Variants in PDE6A observed in about 807,000 individuals in gnomAD.
PDE6A encodes rod cGMP-specific 3',5'-cyclic phosphodiesterase subunit alpha.
In PDE6A, 84 loss-of-function variants were observed where a neutral mutation model predicts 106.3. That is an observed-to-expected ratio of 0.79 (90% CI 0.66 to 0.95). PDE6A has a LOEUF of 0.95. Among genes scored for constraint, PDE6A ranks in the 40% least tolerant of loss-of-function variants. The probability of loss-of-function intolerance (pLI) is 0.00; values close to 1 mark genes in which losing one functional copy is unlikely to be tolerated. For synonymous variants in PDE6A, 394 were observed against 386.6 expected (o/e 1.02, Z -0.23); for missense variants, 1,052 against 1,084.9 (o/e 0.97, Z 0.43).
In PDE6A at chr5:149,934,005, G is replaced by T; in HGVS notation, c.642C>A (p.Tyr214Ter). ...TCATGATTAGATTTGCAAAATTGAG[G>T]TACTTGAGAAGAATCTAAAAATCAA... The part of the protein sequence containing the change: ...TKRDEEILLK[Y>*]LNFANLIMKV... Residue 214 changes from tyrosine to a stop codon, truncating the protein, a stop_gained, in exon 3 of 22, where the codon TAC becomes TAA. Coordinates refer to ENST00000255266, the MANE Select transcript of PDE6A (RefSeq NM_000440.3). LOFTEE classifies it high-confidence loss of function. 6.2e-7 allele frequency: 1 copy of T among 1,608,770 alleles called. No individual in the cohort carries two copies. Among genetic ancestry groups the T allele is most frequent in the Non-Finnish European group, 8.5e-7 (1 of 1,175,268 alleles).
rs11430549 is a variant in PDE6A at position 149,911,842 on chromosome 5, CAAAAA to C, written c.998+3096_998+3100del. The stretch of plus-strand genomic sequence containing the variant: ...CATGGTGAGACCCCATCTCTATTAC[CAAAAA>C]AAAAAAAAAAAAAAAAAAATTATTG... On this transcript the variant is annotated intron_variant, in intron 6 of 21. Transcript: ENST00000255266. 2.3e-4 allele frequency among the ~76,000 whole-genome samples: 15 copies of C among 66,092 alleles called. No individual in the cohort carries two copies. In the Admixed American group the frequency reaches 2.8e-3, roughly 12 times the overall value. The allele number at this position is 66,092 out of a possible 152,430, so 43.4% of individuals were successfully genotyped here. A position where few individuals can be genotyped will look rare whatever the true frequency, so the allele number is the denominator to read the frequency against.
chr5:149,871,576 T>C (rs245082), intron 17 of PDE6A, among the ~76,000 whole-genome samples: 1 of 151,618 alleles, frequency 6.6e-6, no homozygotes, highest in African/African-American at 2.4e-5. Flanking sequence ...AAGGAAGCCC[T>C]GCACAAAGAG....
intron 17 of PDE6A, among the ~76,000 whole-genome samples, chr5:149,869,329 CA>C (rs11316552): frequency 0.47 from 42,513 of 91,096 alleles, 6,564 homozygotes; most frequent in African/African-American, 0.51. Flanking sequence ...GACTCCATAT[CA>C]AAAAAAAAAA....
At chr5:149,884,653 C>T in intron 15 of PDE6A, 74 bp from the exon 16 acceptor site, 1 of 1,421,670 alleles carries the variant, frequency 7.0e-7, no homozygotes, top group Non-Finnish European at 1.0e-6. Context: ...CCAATGGCCA[C>T]CCCAGATGAT....
At chr5:149,882,689 G>T (rs1760971399) in intron 17 of PDE6A, among the ~76,000 whole-genome samples, 1 of 152,048 alleles carries the variant, frequency 6.6e-6, no homozygotes, top group African/African-American at 2.4e-5. Context: ...CTATATTGTG[G>T]GATATTGTCC....
At chr5:149,912,447 G>A (rs759949292) in intron 6 of PDE6A, among the ~76,000 whole-genome samples, 6 of 152,180 alleles carry the variant, frequency 3.9e-5, no homozygotes, top group Non-Finnish European at 7.3e-5. Context: ...GTCAGACTGC[G>A]TTTCCTAACC....
At chr5:149,943,036 A>G (rs991446404) in intron 1 of PDE6A, among the ~76,000 whole-genome samples, 2 of 150,590 alleles carry the variant, frequency 1.3e-5, no homozygotes, top group Non-Finnish European at 2.9e-5. Context: ...CTCAGCATAG[A>G]CCCTTTACGG....
At chr5:149,927,648 C>T (rs1753900280) in intron 4 of PDE6A, among the ~76,000 whole-genome samples, 3 of 151,660 alleles carry the variant, frequency 2.0e-5, no homozygotes, top group African/African-American at 7.3e-5. Context: ...AACTTTGACT[C>T]TCTTGTAATA....
At position 149,932,153 on chromosome 5, in the gene PDE6A, T is replaced by C. The variant is rs1581210167; in HGVS notation, c.718-985A>G. The C allele has an allele frequency of 8.2e-6, 10 of 1,225,820 alleles. No individual in the cohort carries two copies. The East Asian group carries it at 2.3e-4, about 28-fold the overall frequency. The allele number at this position is 1,225,820 out of a possible 1,614,324, so 75.9% of individuals were successfully genotyped here. Reference sequence around the variant, plus strand: ...TTAGTTTGATTATCTGTCGTCTTAGTGAAGCTGCATCTACAACAGTCAGGT... The same window carrying C: ...TTAGTTTGATTATCTGTCGTCTTAGCGAAGCTGCATCTACAACAGTCAGGT... On this transcript the variant is annotated intron_variant, in intron 3 of 21. Coordinates refer to ENST00000255266, the MANE Select transcript of PDE6A (RefSeq NM_000440.3).
chr5:149,901,072 C>T (rs1340312860), intron 8 of PDE6A, among the ~76,000 whole-genome samples: 1 of 152,078 alleles, frequency 6.6e-6, no homozygotes, highest in Non-Finnish European at 1.5e-5. Context: ...CCCACTACCA[C>T]GCTCTGCTAA....
chr5:149,934,425 C>G, intron 2 of PDE6A, 141 bp downstream of exon 2: 1 of 835,486 alleles, frequency 1.2e-6, no homozygotes, highest in Non-Finnish European at 2.1e-6. Context: ...TTTTATCCTG[C>G]CTCCCTCAGA....
chr5:149,936,543 G>A (rs1754191132), intron 1 of PDE6A, among the ~76,000 whole-genome samples: 1 of 152,146 alleles, frequency 6.6e-6, no homozygotes, highest in African/African-American at 2.4e-5. Flanking sequence ...GGCCTCACCT[G>A]CATCCAAGGC....
rs1385997383 is a variant in PDE6A, at chr5:149,881,409, A to G, written c.2135+2020T>C. Among the ~76,000 whole-genome samples, 14 of 152,342 alleles carry G rather than the reference A, an allele frequency of 9.2e-5. No homozygotes were observed. In the East Asian group the frequency reaches 2.7e-3, roughly 29 times the overall value. On this transcript the variant is annotated intron_variant, in intron 17 of 21. Coordinates refer to ENST00000255266, the MANE Select transcript of PDE6A (RefSeq NM_000440.3). ...TTCCATACGTGCCATGGAATACTAC[A>G]CAGCCATAAAAAAGAACAAAATCAT...
At chr5:149,916,419 A>ATGTCATGGCCCCATTTCTCCTTCATGCC (rs1753555597) in intron 5 of PDE6A, among the ~76,000 whole-genome samples, 1 of 152,026 alleles carries the variant, frequency 6.6e-6, no homozygotes, top group South Asian at 2.1e-4. Context: ...GTGCATCTCT[A>ATGTCATGGCCCCATTTCTCCTTCATGCC]TGTCATGGCC....
chr5:149,903,050 G>A (rs1427609546), intron 8 of PDE6A, among the ~76,000 whole-genome samples: 2 of 150,412 alleles, frequency 1.3e-5, no homozygotes, highest in East Asian at 2.0e-4. Flanking sequence ...TTGGCAGGCT[G>A]AGGCAGGAGT....
Position 149,866,232 on chromosome 5 carries a change from C to T in PDE6A, c.2296G>A (p.Ala766Thr), listed in dbSNP as rs907139209. The T allele has an allele frequency of 5.0e-6, 8 of 1,614,068 alleles. No individual in the cohort carries two copies. Among genetic ancestry groups the T allele is most frequent in the Non-Finnish European group, 6.8e-6 (8 of 1,179,942 alleles). Residue 766 changes from alanine to threonine, a missense_variant, in exon 20 of 22, where the codon GCA becomes ACA. By Grantham distance (58) the Ala-to-Thr change is moderately conservative. Transcript: ENST00000255266. Reference protein sequence around the residue: ...NPIPMMDRNKADELPKLQVGF... With the variant: ...NPIPMMDRNKTDELPKLQVGF... ...ACTTGAAGCTTAGGGAGTTCATCTG[C>T]TTTGTTTCTGTCCATCATGGGCTGT...
rs557199504 is a variant in PDE6A, at chr5:149,898,353, C to T, written c.1407+10G>A. On this transcript the variant is annotated intron_variant, in intron 10 of 21. Coordinates refer to ENST00000255266, the MANE Select transcript of PDE6A (RefSeq NM_000440.3). ...TATTAGAGTAGAAACAAGTAAAGAA[C>T]ATTACACACCAAGATTTTCTGAATT... 2 of 1,612,848 alleles carry T rather than the reference C, an allele frequency of 1.2e-6. No individual in the cohort carries two copies. The highest frequency in any genetic ancestry group is 1.7e-6 in the Non-Finnish European group (2 of 1,179,138).
chr5:149,861,046 A>G (rs538911848), intron 21 of PDE6A, 75 bp from the exon 22 acceptor site: 429 of 1,379,054 alleles, frequency 3.1e-4, no homozygotes, highest in Non-Finnish European at 3.9e-4. Flanking sequence ...CCTAATTTGG[A>G]CCAAGAGTTG....
intron 1 of PDE6A, among the ~76,000 whole-genome samples, chr5:149,937,228 C>T (rs966705727): frequency 2.0e-5 from 3 of 152,074 alleles, no homozygotes; most frequent in African/African-American, 2.4e-5. Flanking sequence ...TGAGGCTGGT[C>T]CTCGTGAGGA....
Sources: gnomAD v4.1 joint callset for allele counts (sites outside exome capture counted in the v4.1 genomes callset) on GRCh38, gnomAD v4.1.1 for gene constraint, MANE v1.5 for transcripts, NCBI Gene and HGNC (gene_info 2026-07-23, HGNC 2026-07-21) for gene names.